The following CRISPLD2 variants were observed in gnomAD, a reference collection of about 807,000 sequenced individuals.
CRISPLD2 encodes the protein cysteine-rich secretory protein LCCL domain-containing 2.
CRISPLD2 carries 47 observed loss-of-function variants against 71.1 expected under a neutral mutation model. That is an observed-to-expected ratio of 0.66 (90% CI 0.52 to 0.84). CRISPLD2 has a LOEUF of 0.84. CRISPLD2 is among the 40% of genes least tolerant of loss of function. CRISPLD2 has a pLI of 0.00. For synonymous variants in CRISPLD2, 317 were observed against 250.1 expected, an observed-to-expected ratio of 1.27 and a Z score of -2.52; for missense variants, 830 against 651.1, an observed-to-expected ratio of 1.27 and a Z score of -2.99.
intron 14 of CRISPLD2, among the ~76,000 whole-genome samples, chr16:84,905,469 G>A (rs2071793286): frequency 6.6e-6 from 1 of 151,482 alleles, no homozygotes; most frequent in Non-Finnish European, 1.5e-5. Flanking sequence ...GCAGAATCTT[G>A]GCTCACTGCA....
intron 6 of CRISPLD2, among the ~76,000 whole-genome samples, chr16:84,858,921 C>T (rs892265382): frequency 3.3e-5 from 5 of 152,142 alleles, no homozygotes; most frequent in Admixed American, 1.3e-4. Flanking sequence ...GTTAAGCTTG[C>T]GATAATCCAC....
chr16:84,838,823 C>A, intron 2 of CRISPLD2, 88 bp downstream of exon 2: 1 of 1,497,700 alleles, frequency 6.7e-7, no homozygotes. Flanking sequence ...GCTCTGTTCC[C>A]CAGCCAGTGC....
chr16:84,880,276 G>T (rs571873579), intron 12 of CRISPLD2, among the ~76,000 whole-genome samples: 3 of 151,928 alleles, frequency 2.0e-5, no homozygotes, highest in African/African-American at 7.2e-5. Flanking sequence ...TTTTGTGGAT[G>T]TGTGTGTGTT....
Position 84,849,822 on chromosome 16 carries a change from A to G in CRISPLD2, c.492+305A>G, listed in dbSNP as rs150751129. 5.4e-3 allele frequency among the ~76,000 whole-genome samples: 814 copies of G among 150,586 alleles called. 8 individuals carry two copies. Among genetic ancestry groups the G allele is most frequent in the African/African-American group, 0.019 (770 of 40,922 alleles). On this transcript the variant is annotated intron_variant, in intron 4 of 14. Coordinates refer to ENST00000262424, the MANE Select transcript of CRISPLD2 (RefSeq NM_031476.4). ...AGCCCCAAACTCCTGGGCTCAAGCAATCCTCCCACCTCAGCCTCCTGAGTA... is the reference window on the plus strand; with the variant it reads ...AGCCCCAAACTCCTGGGCTCAAGCAGTCCTCCCACCTCAGCCTCCTGAGTA...
At chr16:84,873,442 C>T (rs1271558681) in intron 10 of CRISPLD2, 1 of 157,820 alleles carries the variant, frequency 6.3e-6, no homozygotes, top group African/African-American at 2.7e-5. Context: ...AGTGTCACTG[C>T]ACTCCAGCCT....
intron 2 of CRISPLD2, chr16:84,838,945 A>G (rs767589863): frequency 9.6e-6 from 7 of 729,842 alleles, no homozygotes; most frequent in African/African-American, 6.9e-5. Context: ...CTGGAGTGCA[A>G]TGGCACAATC....
chr16:84,849,224 C>T (rs989535822), intron 3 of CRISPLD2, 161 bp from the exon 4 acceptor site: 1 of 697,804 alleles, frequency 1.4e-6, no homozygotes, highest in Admixed American at 2.7e-5. Flanking sequence ...TATTCCGCCT[C>T]CTCGGCCTCC....
intron 13 of CRISPLD2, 189 bp downstream of exon 13, chr16:84,880,773 T>C: frequency 2.2e-6 from 1 of 459,388 alleles, no homozygotes; most frequent in Non-Finnish European, 3.9e-6. Flanking sequence ...TGGAGTAATC[T>C]TGGCCCACTG....
At chr16:84,873,248 C>T (rs1172397126) in intron 10 of CRISPLD2, 126 bp downstream of exon 10, 11 of 1,085,672 alleles carry the variant, frequency 1.0e-5, no homozygotes, top group Non-Finnish European at 1.4e-5. Context: ...GAGGCAGAGG[C>T]AGGTGGATCA....
At chr16:84,834,425 G>C (rs1358676455) in intron 1 of CRISPLD2, among the ~76,000 whole-genome samples, 1 of 152,226 alleles carries the variant, frequency 6.6e-6, no homozygotes, top group Admixed American at 6.5e-5. Context: ...AGGGTAGAAT[G>C]GGCAGTGTGG....
intron 1 of CRISPLD2, among the ~76,000 whole-genome samples, chr16:84,837,320 T>C (rs1470955171): frequency 6.6e-6 from 1 of 152,018 alleles, no homozygotes; most frequent in African/African-American, 2.4e-5. Flanking sequence ...TGGAAAACTC[T>C]GGGTCTTTGT....
chr16:84,902,408 G>A lies in CRISPLD2; in HGVS notation c.1440-4180G>A, dbSNP rs111616259. On this transcript the variant is annotated intron_variant, in intron 14 of 14. Transcript: ENST00000262424. The stretch of plus-strand genomic sequence containing the variant: ...GTGGATCGCAAGGTCAGGACATCGA[G>A]ACTATCCTGGCTAACAAGGTGAAAC... 8.0e-4 allele frequency among the ~76,000 whole-genome samples: 122 copies of A among 151,782 alleles called. 1 individual carries two copies. Among genetic ancestry groups the A allele is most frequent in the African/African-American group, 2.8e-3 (117 of 41,460 alleles).
At chr16:84,878,748 C>G (rs1038523070) in intron 12 of CRISPLD2, among the ~76,000 whole-genome samples, 1 of 152,222 alleles carries the variant, frequency 6.6e-6, no homozygotes, top group Admixed American at 6.5e-5. Flanking sequence ...GGCACCTTCT[C>G]AGGTGGAAAA....
At chr16:84,821,785 A>T (rs1422306408) in intron 1 of CRISPLD2, among the ~76,000 whole-genome samples, 1 of 152,222 alleles carries the variant, frequency 6.6e-6, no homozygotes, top group Non-Finnish European at 1.5e-5. Flanking sequence ...CATTTGTAAT[A>T]ATACAAGCAG....
intron 1 of CRISPLD2, among the ~76,000 whole-genome samples, chr16:84,833,721 T>G (rs1415051519): frequency 6.6e-6 from 1 of 151,982 alleles, no homozygotes; most frequent in Non-Finnish European, 1.5e-5. Flanking sequence ...GCACCGATGG[T>G]GGTGGGGGGG....
At chr16:84,887,886 A>G (rs1477546711) in intron 13 of CRISPLD2, among the ~76,000 whole-genome samples, 2 of 151,536 alleles carry the variant, frequency 1.3e-5, no homozygotes, top group Non-Finnish European at 2.9e-5. Context: ...CAAAAAATAG[A>G]TAGATAAATA....
At chr16:84,890,494 AG>A (rs2071652138) in intron 14 of CRISPLD2, among the ~76,000 whole-genome samples, 1 of 152,226 alleles carries the variant, frequency 6.6e-6, no homozygotes, top group African/African-American at 2.4e-5. Context: ...GAATGACTGT[AG>A]CGCGTTTCTC....
chr16:84,889,280 G>A lies in CRISPLD2; in HGVS notation c.1356G>A (p.Glu452=), dbSNP rs1382496214. 2 of 1,614,130 alleles carry A rather than the reference G, an allele frequency of 1.2e-6. No individual in the cohort carries two copies. Among genetic ancestry groups the A allele is most frequent in the Admixed American group, 1.7e-5 (1 of 60,004 alleles). Residue 452 remains glutamate, a synonymous_variant, in exon 14 of 15, where the codon GAG becomes GAA. Transcript: ENST00000262424. ...TAVHAGVISN[E]SGGDVDVMPV... The stretch of plus-strand genomic sequence containing the variant: ...TGCACGCGGGAGTCATCAGCAACGA[G>A]AGTGGGGGTGACGTGGACGTGATGC...
chr16:84,884,102 C>A (rs2071591418), intron 13 of CRISPLD2, among the ~76,000 whole-genome samples: 1 of 152,188 alleles, frequency 6.6e-6, no homozygotes. Flanking sequence ...GCCTCTGCCT[C>A]CCAAAGTGCT....
Sources: gnomAD v4.1 joint callset for allele counts (sites outside exome capture counted in the v4.1 genomes callset) on GRCh38, gnomAD v4.1.1 for gene constraint, MANE v1.5 for transcripts, NCBI Gene and HGNC (gene_info 2026-07-23, HGNC 2026-07-21) for gene names.